The following AKR1C4 variants were observed in gnomAD, a reference collection of about 807,000 sequenced individuals.
The protein encoded by AKR1C4 is 3-alpha-HSD1.
A neutral mutation model predicts 41.0 loss-of-function variants in AKR1C4; 44 were observed. The ratio of observed to expected loss-of-function variants is 1.07; its 90% confidence interval spans 0.84 to 1.38. AKR1C4 has a LOEUF of 1.38. Among genes scored for constraint, AKR1C4 ranks in the 40% most tolerant of loss-of-function variants. The pLI is 0.00. For synonymous variants in AKR1C4, 165 were observed against 137.7 expected (o/e 1.20, Z -1.39); for missense variants, 438 against 387.9 (o/e 1.13, Z -1.09).
intron 7 of AKR1C4, 126 bp from the exon 8 acceptor site, chr10:5,216,585 C>T (rs2132142200): frequency 1.6e-6 from 1 of 633,868 alleles, no homozygotes; most frequent in Non-Finnish European, 2.7e-6. Context: ...GATGGTCTTT[C>T]ATAACTTTTG....
Position 5,196,844 on chromosome 10 carries a change from G to A in AKR1C4, c.-24G>A, listed in dbSNP as rs782273061. The A allele has an allele frequency of 3.7e-6, 6 of 1,612,468 alleles. No individual in the cohort carries two copies. The highest frequency in any genetic ancestry group is 4.2e-6 in the Non-Finnish European group (5 of 1,178,456). On this transcript the variant is annotated 5_prime_UTR_variant, in exon 1 of 9. Coordinates refer to ENST00000263126, the MANE Select transcript of AKR1C4 (RefSeq NM_001818.5). ...GATGTTGCTGAAGGAAACAGGATCTGCTTAGTGAAAGAAGTGGCAAGCAAT... is the reference window on the plus strand; with the variant it reads ...GATGTTGCTGAAGGAAACAGGATCTACTTAGTGAAAGAAGTGGCAAGCAAT...
chr10:5,206,129 T>C, intron 4 of AKR1C4, 146 bp from the exon 5 acceptor site: 2 of 1,393,652 alleles, frequency 1.4e-6, no homozygotes, highest in South Asian at 2.9e-5. Context: ...TATCCTTTTG[T>C]TATCTGTTGT....
chr10:5,212,042 T>C (rs782545097), intron 5 of AKR1C4, among the ~76,000 whole-genome samples: 10 of 152,218 alleles, frequency 6.6e-5, no homozygotes, highest in Non-Finnish European at 1.3e-4. Flanking sequence ...GTGGGAATTA[T>C]GAGAGCTACA....
chr10:5,211,832 C>A (rs952829890), intron 5 of AKR1C4, among the ~76,000 whole-genome samples: 1 of 152,126 alleles, frequency 6.6e-6, no homozygotes, highest in South Asian at 2.1e-4. Context: ...TGGCTGGGGA[C>A]ACCTCACAAT....
chr10:5,215,985 A>G (rs935840289), intron 7 of AKR1C4, among the ~76,000 whole-genome samples: 1 of 152,196 alleles, frequency 6.6e-6, no homozygotes, highest in East Asian at 1.9e-4. Context: ...GTGCGTTGCT[A>G]TAAAGTACCC....
chr10:5,204,008 G>A (rs1361216829), intron 2 of AKR1C4, among the ~76,000 whole-genome samples: 15 of 151,878 alleles, frequency 9.9e-5, no homozygotes, highest in Admixed American at 2.6e-4. Flanking sequence ...ATGTCAGCAC[G>A]TAAAAACTTT....
Position 5,208,327 on chromosome 10 carries a change from GTAATA to G in AKR1C4, c.570+1936_570+1940del, listed in dbSNP as rs2132132881. ...CATGTATTTAAAATTTATGTATTTGGTAATATAATACAAAATCATGATTTTCAATT... is the reference window on the plus strand; with the variant it reads ...CATGTATTTAAAATTTATGTATTTGGTAATACAAAATCATGATTTTCAATT... On this transcript the variant is annotated intron_variant, in intron 5 of 8. Transcript: ENST00000263126. Among the ~76,000 whole-genome samples, 2 of 151,512 alleles carry G rather than the reference GTAATA, an allele frequency of 1.3e-5. 1 individual carries two copies. Among genetic ancestry groups the G allele is most frequent in the African/African-American group, 4.9e-5 (2 of 40,892 alleles).
chr10:5,216,901 A>G, intron 8 of AKR1C4, 108 bp downstream of exon 8: 1 of 712,222 alleles, frequency 1.4e-6, no homozygotes, highest in Non-Finnish European at 2.4e-6. Flanking sequence ...AGTGCAAGTG[A>G]GAGGTGAGAC....
chr10:5,217,961 A>G (rs1554798729), intron 8 of AKR1C4, among the ~76,000 whole-genome samples: 7 of 152,246 alleles, frequency 4.6e-5, no homozygotes, highest in Non-Finnish European at 1.5e-5. Context: ...ATAATGTATT[A>G]AAAAGGATAA....
rs1373853349 is a variant in AKR1C4 at position 5,218,880 on chromosome 10, G to A, written c.*120G>A. 9 of 831,556 alleles carry A rather than the reference G, an allele frequency of 1.1e-5. No individual in the cohort carries two copies. The highest frequency in any genetic ancestry group is 1.9e-5 in the South Asian group (1 of 51,504). 51.5% of individuals were successfully genotyped at this position (831,556 alleles called of 1,614,324 possible). A position where few individuals can be genotyped will look rare whatever the true frequency, so the allele number is the denominator to read the frequency against. ...TGGTTAAATCCCTCCCCTCCTGCTT[G>A]GCAACTTCAGCTAGCTAGATATATC... On this transcript the variant is annotated 3_prime_UTR_variant, in exon 9 of 9. Transcript: ENST00000263126.
At position 5,206,292 on chromosome 10, in the gene AKR1C4, G is replaced by C; in HGVS notation, c.465G>C (p.Lys155Asn). The C allele has an allele frequency of 6.2e-7, 1 of 1,614,066 alleles. No homozygotes were observed. The highest frequency in any genetic ancestry group is 1.1e-5 in the South Asian group (1 of 91,068). The stretch of plus-strand genomic sequence containing the variant: ...CTCCCCAGGTCATGGAGAAGTGTAA[G>C]GATGCAGGATTGGCCAAGTCCATCG... ...SATWEVMEKC[K>N]DAGLAKSIGV... The change falls in exon 5 of 9, where the codon AAG becomes AAC. Residue 155 changes from lysine (K) to asparagine (N), a missense_variant. Lys to Asn is a moderately conservative substitution (Grantham distance 94, BLOSUM62 0). Coordinates refer to ENST00000263126, the MANE Select transcript of AKR1C4 (RefSeq NM_001818.5).
In AKR1C4 at chr10:5,196,855, G is replaced by A; in HGVS notation, c.-13G>A. On this transcript the variant is annotated 5_prime_UTR_variant, in exon 1 of 9. Coordinates refer to ENST00000263126, the MANE Select transcript of AKR1C4 (RefSeq NM_001818.5). ...AGGAAACAGGATCTGCTTAGTGAAA[G>A]AAGTGGCAAGCAATGGATCCCAAAT... The A allele has an allele frequency of 2.5e-6, 4 of 1,613,772 alleles. No homozygotes were observed. The highest frequency in any genetic ancestry group is 3.4e-6 in the Non-Finnish European group (4 of 1,179,672).
At chr10:5,210,288 C>G (rs1444463628) in intron 5 of AKR1C4, among the ~76,000 whole-genome samples, 1 of 152,230 alleles carries the variant, frequency 6.6e-6, no homozygotes, top group African/African-American at 2.4e-5. Context: ...AGCTCCACCA[C>G]TGTGGCTTTG....
intron 2 of AKR1C4, 120 bp downstream of exon 2, chr10:5,200,468 A>G: frequency 1.4e-6 from 2 of 1,449,236 alleles, no homozygotes; most frequent in Non-Finnish European, 1.8e-6. Flanking sequence ...CAATTTATTC[A>G]CACATATTCA....
At chr10:5,217,147 A>T (rs923720142) in intron 8 of AKR1C4, among the ~76,000 whole-genome samples, 2 of 152,240 alleles carry the variant, frequency 1.3e-5, no homozygotes, top group Admixed American at 6.5e-5. Context: ...TGTTTTTCCA[A>T]ATCTGTACTT....
At chr10:5,199,087 T>G (rs1306434179) in intron 1 of AKR1C4, among the ~76,000 whole-genome samples, 1 of 152,204 alleles carries the variant, frequency 6.6e-6, no homozygotes, top group African/African-American at 2.4e-5. Flanking sequence ...AATCTGAGGT[T>G]GTTGTTGGGA....
At position 5,205,737 on chromosome 10, in the gene AKR1C4, A is replaced by G. The variant is rs1832473711; in HGVS notation, c.370-20A>G. 3 of 1,610,070 alleles carry G rather than the reference A, an allele frequency of 1.9e-6. No individual in the cohort carries two copies. Among genetic ancestry groups the G allele is most frequent in the African/African-American group, 2.7e-5 (2 of 74,742 alleles). The stretch of plus-strand genomic sequence containing the variant: ...TGGAAAAGTTAAATGGTGACACTAA[A>G]GTGACTGCTTCTACTTCAGCCAGGT... On this transcript the variant is annotated intron_variant, in intron 3 of 8. Transcript: ENST00000263126.
rs1455586023 is a variant in AKR1C4 at position 5,213,016 on chromosome 10, C to G, written c.703C>G (p.Leu235Val). ...KLWVDPNSPV[L>V]LEDPVLCALA... is the part of the protein sequence containing the mutation. ...CAGGGTGGACCCAAACTCCCCAGTT[C>G]TTTTGGAGGACCCAGTTCTTTGTGC... Residue 235 changes from leucine (L) to valine (V), a missense_variant, in exon 7 of 9, where the codon CTT becomes GTT. Transcript: ENST00000263126. 2.5e-6 allele frequency: 4 copies of G among 1,614,018 alleles called. No individual in the cohort carries two copies. Among genetic ancestry groups the G allele is most frequent in the Non-Finnish European group, 2.5e-6 (3 of 1,180,012 alleles).
chr10:5,218,843 A>G lies in AKR1C4; in HGVS notation c.*83A>G, dbSNP rs1281880694. Reference sequence around the variant, plus strand: ...AGGATGTCTCTATGCTGGTGACTGGACACACAGCCTCTGGTTAAATCCCTC... The same window carrying G: ...AGGATGTCTCTATGCTGGTGACTGGGCACACAGCCTCTGGTTAAATCCCTC... On this transcript the variant is annotated 3_prime_UTR_variant, in exon 9 of 9. Coordinates refer to ENST00000263126, the MANE Select transcript of AKR1C4 (RefSeq NM_001818.5). 1.2e-5 allele frequency: 17 copies of G among 1,396,786 alleles called. No individual in the cohort carries two copies. Among genetic ancestry groups the G allele is most frequent in the Non-Finnish European group, 1.7e-5 (17 of 987,650 alleles). The allele number at this position is 1,396,786 out of a possible 1,614,324, so 86.5% of individuals were successfully genotyped here. A position where few individuals can be genotyped will look rare whatever the true frequency, so the allele number is the denominator to read the frequency against.
Sources: allele counts gnomAD v4.1 joint callset (sites outside exome capture counted in the v4.1 genomes callset), GRCh38; gene constraint gnomAD v4.1.1; transcripts MANE v1.5; gene names NCBI Gene and HGNC (gene_info 2026-07-23, HGNC 2026-07-21).